Variants in RGS6 observed in about 807,000 individuals in gnomAD.
The protein encoded by RGS6 is regulator of G protein signaling 6, also known as regulator of G-protein signaling 6.
A neutral mutation model predicts 78.5 loss-of-function variants in RGS6; 30 were observed. The ratio of observed to expected loss-of-function variants is 0.38; its 90% CI spans 0.29 to 0.52. The LOEUF is 0.52. Among genes scored for constraint, RGS6 ranks in the 20% least tolerant of loss-of-function variants. RGS6 has a pLI of 0.85. For synonymous variants in RGS6, 206 were observed against 206.0 expected (o/e 1.00, Z 0.00); for missense variants, 495 against 609.7 (o/e 0.81, Z 1.98).
At chr14:72,379,130 C>CAA (rs2085429657) in intron 3 of RGS6, among the ~76,000 whole-genome samples, 2 of 152,104 alleles carry the variant, frequency 1.3e-5, no homozygotes, top group African/African-American at 2.4e-5. Flanking sequence ...TACAATTCAA[C>CAA]ATCCCATCAT....
At chr14:72,144,144 A>G (rs1363725570) in intron 2 of RGS6, among the ~76,000 whole-genome samples, 1 of 152,176 alleles carries the variant, frequency 6.6e-6, no homozygotes, top group Non-Finnish European at 1.5e-5. Flanking sequence ...TTCCTGGTAT[A>G]TTTACTGTGG....
Position 72,556,612 on chromosome 14 carries a change from G to A in RGS6, c.1423-5805G>A, listed in dbSNP as rs1599133663. ...CCTCCTCCATCCCCAGTGTTTACCAGGCAGAGCCTGAGTGTTTACACCACA... is the reference window on the plus strand; with the variant it reads ...CCTCCTCCATCCCCAGTGTTTACCAAGCAGAGCCTGAGTGTTTACACCACA... On this transcript the variant is annotated intron_variant, in intron 17 of 17. Coordinates refer to ENST00000553525, the MANE Select transcript of RGS6 (RefSeq NM_001204424.2). Among the ~76,000 whole-genome samples the A allele has an allele frequency of 2.2e-5, 3 of 134,842 alleles. 1 individual carries two copies. The South Asian group carries it at 8.1e-4, about 36-fold the overall frequency. 88.5% of individuals were successfully genotyped at this position (134,842 alleles called of 152,430 possible). A position where few individuals can be genotyped will look rare whatever the true frequency, so the allele number is the denominator to read the frequency against.
chr14:72,446,077 A>C (rs1405500105), intron 3 of RGS6, among the ~76,000 whole-genome samples: 1 of 152,166 alleles, frequency 6.6e-6, no homozygotes. Flanking sequence ...TGAGTAACAT[A>C]AGGAGACCCT....
chr14:72,394,732 C>T (rs1349121111), intron 3 of RGS6, among the ~76,000 whole-genome samples: 2 of 152,068 alleles, frequency 1.3e-5, no homozygotes, highest in Non-Finnish European at 2.9e-5. Flanking sequence ...GTGCAGTTAA[C>T]GCAATCATTA....
intron 1 of RGS6, among the ~76,000 whole-genome samples, chr14:71,934,922 G>A: frequency 6.6e-6 from 1 of 152,208 alleles, no homozygotes; most frequent in East Asian, 1.9e-4. Context: ...AAGGAGCTGT[G>A]TGTCACATAA....
intron 12 of RGS6, among the ~76,000 whole-genome samples, chr14:72,484,868 G>C (rs1045419464): frequency 6.6e-6 from 1 of 151,618 alleles, no homozygotes; most frequent in Non-Finnish European, 1.5e-5. Flanking sequence ...TGGCATAGTA[G>C]GCTCTGAATA....
chr14:72,553,965 T>C (rs1018392026), intron 17 of RGS6, among the ~76,000 whole-genome samples: 11 of 152,258 alleles, frequency 7.2e-5, no homozygotes, highest in African/African-American at 2.7e-4. Context: ...AGGTTCTCTG[T>C]AGCTAAGAGT....
the RGS6 span, among the ~76,000 whole-genome samples, chr14:71,906,400 G>A: frequency 3.9e-5 from 6 of 152,314 alleles, no homozygotes; most frequent in South Asian, 1.2e-3. Flanking sequence ...CTTTAGGTCA[G>A]GGGAACGGGG....
chr14:72,420,362 G>A lies in RGS6; in HGVS notation c.185-34166G>A, dbSNP rs1409529483. On this transcript the variant is annotated intron_variant, in intron 3 of 17. Transcript: ENST00000553525. ...TACATTGGGAGAAGCTAGAGATTTG[G>A]GAATCAGGATTTGCTGCAGATACTT... Among the ~76,000 whole-genome samples, 7 of 152,142 alleles carry A rather than the reference G, an allele frequency of 4.6e-5. No homozygotes were observed. In the East Asian group the frequency reaches 5.8e-4, roughly 13 times the overall value.
rs574566174 is a variant in RGS6 at position 72,070,164 on chromosome 14, G to A, written c.84+105289G>A. Among the ~76,000 whole-genome samples the A allele has an allele frequency of 2.6e-5, 4 of 152,218 alleles. No individual in the cohort carries two copies. In the East Asian group the frequency reaches 7.7e-4, roughly 29 times the overall value. On this transcript the variant is annotated intron_variant, in intron 2 of 17. Transcript: ENST00000553525. Reference sequence around the variant, plus strand: ...TCTCTCTCTCTGTCTCTCTCTGTGTGTGTGTGTAAGGGAGAGAATTTGCTA... The same window carrying A: ...TCTCTCTCTCTGTCTCTCTCTGTGTATGTGTGTAAGGGAGAGAATTTGCTA...
the RGS6 span, among the ~76,000 whole-genome samples, chr14:72,572,700 G>C: frequency 2.0e-5 from 3 of 152,196 alleles, no homozygotes; most frequent in African/African-American, 7.2e-5. Flanking sequence ...TTTGAGGAGT[G>C]ATGAAAATGT....
intron 17 of RGS6, among the ~76,000 whole-genome samples, chr14:72,543,130 C>T (rs920148963): frequency 6.6e-6 from 1 of 151,860 alleles, no homozygotes; most frequent in African/African-American, 2.4e-5. Flanking sequence ...TGATAAGGCC[C>T]AGGTTCTGAA....
At chr14:72,124,417 C>G (rs985714621) in intron 2 of RGS6, among the ~76,000 whole-genome samples, 1 of 152,028 alleles carries the variant, frequency 6.6e-6, no homozygotes, top group East Asian at 1.9e-4. Context: ...AACGAATGAG[C>G]CTTTGATTCT....
At chr14:72,074,513 T>C (rs2094511554) in intron 2 of RGS6, among the ~76,000 whole-genome samples, 1 of 152,106 alleles carries the variant, frequency 6.6e-6, no homozygotes, top group South Asian at 2.1e-4. Flanking sequence ...AGCATTTCTT[T>C]AAACTGGAAA....
At chr14:72,279,703 A>G (rs191492627) in intron 2 of RGS6, among the ~76,000 whole-genome samples, 62 of 152,298 alleles carry the variant, frequency 4.1e-4, no homozygotes, top group African/African-American at 1.4e-3. Flanking sequence ...ACAGTGGTGT[A>G]AATAAAGGAA....
Position 72,192,108 on chromosome 14 carries a change from C to A in RGS6, c.85-159987C>A, listed in dbSNP as rs777933360. 4.6e-5 allele frequency among the ~76,000 whole-genome samples: 7 copies of A among 152,298 alleles called. 1 individual carries two copies. The highest frequency in any genetic ancestry group is 7.4e-5 in the Non-Finnish European group (5 of 68,024). On this transcript the variant is annotated intron_variant, in intron 2 of 17. Coordinates refer to ENST00000553525, the MANE Select transcript of RGS6 (RefSeq NM_001204424.2). ...GCAGGACTGAATTTGTCATTCTTAT[C>A]GCACAGTGGCTTACATGTCAGTCAT...
At chr14:72,445,811 G>A (rs1253668634) in intron 3 of RGS6, among the ~76,000 whole-genome samples, 1 of 152,184 alleles carries the variant, frequency 6.6e-6, no homozygotes, top group Non-Finnish European at 1.5e-5. Context: ...ATTATGGGTT[G>A]AATTATGTTC....
chr14:72,348,993 T>C (rs538287882), intron 2 of RGS6, among the ~76,000 whole-genome samples: 28 of 151,834 alleles, frequency 1.8e-4, no homozygotes, highest in East Asian at 7.8e-4. Flanking sequence ...GGTGAAACCC[T>C]GTCTCTACTA....
intron 13 of RGS6, among the ~76,000 whole-genome samples, chr14:72,508,087 T>A (rs555245428): frequency 3.9e-5 from 6 of 152,196 alleles, no homozygotes; most frequent in Non-Finnish European, 8.8e-5. Context: ...TTGGAAGAGG[T>A]GTTTCATGGA....
Sources: gnomAD v4.1 joint callset for allele counts (sites outside exome capture counted in the v4.1 genomes callset) on GRCh38, gnomAD v4.1.1 for gene constraint, MANE v1.5 for transcripts, NCBI Gene and HGNC (gene_info 2026-07-23, HGNC 2026-07-21) for gene names.